Variants in GRIK2 observed in about 807,000 individuals in gnomAD.
GRIK2 encodes glutamate receptor ionotropic, kainate 2.
GRIK2 carries 32 observed loss-of-function variants against 100.3 expected under a neutral mutation model. The ratio of observed to expected loss-of-function variants is 0.32; its 90% CI spans 0.24 to 0.43. The LOEUF (loss-of-function observed/expected upper bound fraction) is 0.43. Ranked by LOEUF, GRIK2 falls within the 20% of genes least tolerant of loss-of-function variation. GRIK2 has a pLI of 1.00. For synonymous variants in GRIK2, 417 were observed against 389.4 expected (o/e 1.07, Z -0.83); for missense variants, 843 against 1,114.9 (o/e 0.76, Z 3.47).
chr6:101,688,599 G>C (rs571050143), intron 7 of GRIK2, among the ~76,000 whole-genome samples: 1 of 151,972 alleles, frequency 6.6e-6, no homozygotes, highest in East Asian at 1.9e-4. Context: ...TTCCTCTTCT[G>C]CTTTTCCCTG....
At chr6:101,656,434 T>TA (rs143875652) in intron 4 of GRIK2, among the ~76,000 whole-genome samples, 31,961 of 151,748 alleles carry the variant, frequency 0.21, 3,517 homozygotes, top group Middle Eastern at 0.33. Flanking sequence ...GTTTAGAAAT[T>TA]AAAAAAAATG....
chr6:101,639,624 A>G (rs1473586638), intron 4 of GRIK2, among the ~76,000 whole-genome samples: 1 of 152,058 alleles, frequency 6.6e-6, no homozygotes, highest in African/African-American at 2.4e-5. Flanking sequence ...ACATACATAC[A>G]TACACACAGT....
chr6:101,508,546 T>A (rs1229693065), intron 2 of GRIK2, among the ~76,000 whole-genome samples: 1 of 152,148 alleles, frequency 6.6e-6, no homozygotes, highest in Non-Finnish European at 1.5e-5. Flanking sequence ...TTTCATAAGC[T>A]TATATATTAT....
intron 14 of GRIK2, among the ~76,000 whole-genome samples, chr6:101,949,769 G>A (rs1791500842): frequency 6.6e-6 from 1 of 152,116 alleles, no homozygotes; most frequent in South Asian, 2.1e-4. Context: ...GGGCATTTGG[G>A]TTGGTTCCAA....
At chr6:101,755,466 C>T (rs1440114165) in intron 7 of GRIK2, among the ~76,000 whole-genome samples, 1 of 152,042 alleles carries the variant, frequency 6.6e-6, no homozygotes, top group East Asian at 1.9e-4. Context: ...CGTGCCCGGC[C>T]GCATAAATCA....
chr6:101,637,593 A>G (rs1336705554), intron 4 of GRIK2, among the ~76,000 whole-genome samples: 1 of 152,138 alleles, frequency 6.6e-6, no homozygotes, highest in Non-Finnish European at 1.5e-5. Context: ...TACTCTATTT[A>G]AATGTGTCTA....
chr6:101,800,278 A>G (rs1452499998), intron 8 of GRIK2, among the ~76,000 whole-genome samples: 2 of 151,838 alleles, frequency 1.3e-5, no homozygotes, highest in Non-Finnish European at 2.9e-5. Context: ...TCCATGTTAT[A>G]TAATGCAACC....
intron 14 of GRIK2, among the ~76,000 whole-genome samples, chr6:101,955,003 A>G (rs1372397966): frequency 6.6e-6 from 1 of 151,912 alleles, no homozygotes; most frequent in East Asian, 1.9e-4. Flanking sequence ...TATTATATTT[A>G]TTTGTTTGTG....
At chr6:101,520,607 A>C (rs1368316423) in intron 2 of GRIK2, among the ~76,000 whole-genome samples, 1 of 152,086 alleles carries the variant, frequency 6.6e-6, no homozygotes, top group African/African-American at 2.4e-5. Context: ...AAACTGACCA[A>C]GAACTTCTTG....
Position 101,863,295 on chromosome 6 carries a change from G to T in GRIK2, c.1524+3802G>T, listed in dbSNP as rs141052350. Among the ~76,000 whole-genome samples, 753 of 152,226 alleles carry T rather than the reference G, an allele frequency of 4.9e-3. 8 individuals carry two copies. The highest frequency in any genetic ancestry group is 0.017 in the African/African-American group (710 of 41,522). On this transcript the variant is annotated intron_variant, in intron 11 of 16. Transcript: ENST00000369134. The stretch of plus-strand genomic sequence containing the variant: ...GAAAGATTACAGTATATAATTTCAA[G>T]TACTCATGTTGGCCTTTAATTTCTT...
At chr6:101,773,805 G>A (rs1321903246) in intron 7 of GRIK2, among the ~76,000 whole-genome samples, 3 of 152,032 alleles carry the variant, frequency 2.0e-5, no homozygotes, top group African/African-American at 7.2e-5. Flanking sequence ...AAGATAACAT[G>A]ACTTCCCATT....
chr6:101,498,384 G>A (rs2128271951), intron 2 of GRIK2, among the ~76,000 whole-genome samples: 2 of 152,222 alleles, frequency 1.3e-5, no homozygotes, highest in African/African-American at 4.8e-5. Context: ...TATATTCCCA[G>A]TAATGAGATG....
chr6:101,891,765 T>C (rs191618432), intron 12 of GRIK2, among the ~76,000 whole-genome samples: 8 of 152,232 alleles, frequency 5.3e-5, no homozygotes, highest in Admixed American at 5.2e-4. Context: ...CTTTTGGGGT[T>C]CTCCCCACAG....
intron 11 of GRIK2, among the ~76,000 whole-genome samples, chr6:101,884,101 G>A (rs921075983): frequency 6.6e-6 from 1 of 152,068 alleles, no homozygotes; most frequent in Non-Finnish European, 1.5e-5. Context: ...GTGTACAGAA[G>A]TTGAGTTGTG....
At position 101,556,321 on chromosome 6, in the gene GRIK2, A is replaced by ATTTTTTTTTTTTTTTTTTTTTT. The variant is rs10528480; in HGVS notation, c.116-65618_116-65597dup. 1.9e-3 allele frequency among the ~76,000 whole-genome samples: 110 copies of ATTTTTTTTTTTTTTTTTTTTTT among 59,398 alleles called. 25 individuals carry two copies. The highest frequency in any genetic ancestry group is 2.4e-3 in the Non-Finnish European group (67 of 27,412). 39.0% of individuals were successfully genotyped at this position (59,398 alleles called of 152,430 possible). A position where few individuals can be genotyped will look rare whatever the true frequency, so the allele number is the denominator to read the frequency against. ...AATTGCACTATGTAATATATTGGTA[A>ATTTTTTTTTTTTTTTTTTTTTT]TTTTTTTTTTTTTTTTTTTTTTTTT... is the stretch of plus-strand genomic sequence containing the variant. On this transcript the variant is annotated intron_variant, in intron 2 of 16. Transcript: ENST00000369134.
chr6:101,464,180 G>A (rs891121235), intron 2 of GRIK2, among the ~76,000 whole-genome samples: 1 of 152,138 alleles, frequency 6.6e-6, no homozygotes. Flanking sequence ...AGCAGCACAG[G>A]TTTCGAAGCT....
intron 14 of GRIK2, among the ~76,000 whole-genome samples, chr6:101,928,869 G>A (rs1164101347): frequency 6.6e-6 from 1 of 152,016 alleles, no homozygotes; most frequent in Non-Finnish European, 1.5e-5. Context: ...CCTGTTTTGA[G>A]GAAAATCAGC....
rs1298283921 is a variant in GRIK2 at position 101,682,439 on chromosome 6, G to T, written c.724-114G>T. 4 of 671,470 alleles carry T rather than the reference G, an allele frequency of 6.0e-6. 1 individual carries two copies. The highest frequency in any genetic ancestry group is 1.1e-5 in the Non-Finnish European group (4 of 372,532). The allele number at this position is 671,470 out of a possible 1,614,324, so 41.6% of individuals were successfully genotyped here. ...AGTTTAACCTAATTGTATGTAACAT[G>T]AATATTGTAGGTTGATTCTTTATCA... On this transcript the variant is annotated intron_variant, in intron 5 of 16. Coordinates refer to ENST00000369134, the MANE Select transcript of GRIK2 (RefSeq NM_021956.5).
chr6:101,631,700 A>G (rs1780751582), intron 4 of GRIK2, among the ~76,000 whole-genome samples: 1 of 151,956 alleles, frequency 6.6e-6, no homozygotes, highest in East Asian at 1.9e-4. Flanking sequence ...TGTCAATTCT[A>G]TACTTGTATG....
Sources: allele counts gnomAD v4.1 joint callset (sites outside exome capture counted in the v4.1 genomes callset), GRCh38; gene constraint gnomAD v4.1.1; transcripts MANE v1.5; gene names NCBI Gene and HGNC (gene_info 2026-07-23, HGNC 2026-07-21).